The following CDH13 variants were observed in gnomAD, a reference collection of about 807,000 sequenced individuals.
CDH13 encodes the protein cadherin-13.
Under a neutral mutation model 63.8 loss-of-function variants are expected in CDH13, and 24 were observed. The observed-to-expected ratio is 0.38, with a 90% CI of 0.27 to 0.53. The LOEUF is 0.53. CDH13 is among the 20% of genes least tolerant of loss of function. The pLI is 0.85. For missense variants in CDH13, 1,049 were observed against 903.1 expected (o/e 1.16, Z -2.07); for synonymous variants, 503 against 355.3 (o/e 1.42, Z -4.67).
At chr16:82,977,963 C>T (rs570297166) in intron 2 of CDH13, among the ~76,000 whole-genome samples, 1 of 152,218 alleles carries the variant, frequency 6.6e-6, no homozygotes, top group South Asian at 2.1e-4. Context: ...CAATGAAGTC[C>T]AAGTTGGGGT....
intron 2 of CDH13, among the ~76,000 whole-genome samples, chr16:82,864,277 AGAGT>A (rs879926002): frequency 9.2e-5 from 14 of 152,208 alleles, no homozygotes; most frequent in Admixed American, 9.2e-4. Context: ...TTGACAAAAG[AGAGT>A]GAGTGTTTCT....
chr16:82,918,483 G>A (rs1396266583), intron 2 of CDH13, among the ~76,000 whole-genome samples: 1 of 150,720 alleles, frequency 6.6e-6, no homozygotes, highest in African/African-American at 2.4e-5. Flanking sequence ...GTCTCTCTGG[G>A]TCAAAAGGTA....
chr16:82,955,207 T>G (rs1290075356), intron 2 of CDH13, among the ~76,000 whole-genome samples: 2 of 152,214 alleles, frequency 1.3e-5, no homozygotes, highest in African/African-American at 4.8e-5. Flanking sequence ...TTCCAAGCAG[T>G]CTTAGAGTTT....
At chr16:83,469,384 C>T (rs1410888497) in intron 6 of CDH13, among the ~76,000 whole-genome samples, 1 of 152,106 alleles carries the variant, frequency 6.6e-6, no homozygotes, top group East Asian at 1.9e-4. Flanking sequence ...TCAGAGGCTT[C>T]AGTGCTAAGT....
chr16:83,469,181 G>C (rs953450074), intron 6 of CDH13, among the ~76,000 whole-genome samples: 1 of 152,162 alleles, frequency 6.6e-6, no homozygotes, highest in Non-Finnish European at 1.5e-5. Flanking sequence ...GCTGCTAAGG[G>C]CTTTTCAACT....
intron 5 of CDH13, among the ~76,000 whole-genome samples, chr16:83,251,401 G>A (rs946389860): frequency 1.3e-5 from 2 of 152,124 alleles, no homozygotes; most frequent in Non-Finnish European, 2.9e-5. Flanking sequence ...TAAAGAGAAG[G>A]CACCTGAGGC....
At chr16:83,624,557 G>A (rs914045220) in intron 8 of CDH13, among the ~76,000 whole-genome samples, 7 of 152,130 alleles carry the variant, frequency 4.6e-5, no homozygotes, top group Non-Finnish European at 1.0e-4. Flanking sequence ...CCGTTCCTAT[G>A]AGAATCTAAT....
At chr16:83,765,946 C>T (rs911804708) in intron 11 of CDH13, among the ~76,000 whole-genome samples, 14 of 152,130 alleles carry the variant, frequency 9.2e-5, no homozygotes, top group African/African-American at 3.4e-4. Context: ...GAAGGTTCAA[C>T]AGATGCACAG....
chr16:83,427,042 T>G (rs1052238642), intron 6 of CDH13, among the ~76,000 whole-genome samples: 3 of 147,836 alleles, frequency 2.0e-5, no homozygotes, highest in African/African-American at 7.5e-5. Flanking sequence ...TTCTCCTGCC[T>G]TAGCCTCCCA....
chr16:83,226,128 C>T (rs1361883233), intron 5 of CDH13, among the ~76,000 whole-genome samples: 1 of 152,188 alleles, frequency 6.6e-6, no homozygotes, highest in Non-Finnish European at 1.5e-5. Flanking sequence ...CCCCTCCCTA[C>T]CCCTGCACCT....
intron 4 of CDH13, among the ~76,000 whole-genome samples, chr16:83,212,101 C>A (rs2039355200): frequency 6.6e-6 from 1 of 152,248 alleles, no homozygotes; most frequent in East Asian, 1.9e-4. Context: ...TGACATTAAA[C>A]AACAACAAAG....
intron 2 of CDH13, among the ~76,000 whole-genome samples, chr16:82,904,118 G>A (rs1179887163): frequency 3.3e-5 from 5 of 152,010 alleles, no homozygotes; most frequent in Non-Finnish European, 5.9e-5. Context: ...TAAGCAATTA[G>A]AGTGAGATTT....
intron 4 of CDH13, among the ~76,000 whole-genome samples, chr16:83,142,488 A>G (rs937644637): frequency 6.6e-6 from 1 of 151,700 alleles, no homozygotes; most frequent in African/African-American, 2.4e-5. Context: ...GCTGCCTCCT[A>G]CTCATCCCTT....
intron 3 of CDH13, among the ~76,000 whole-genome samples, chr16:83,081,117 G>A (rs141425360): frequency 6.6e-6 from 1 of 151,988 alleles, no homozygotes; most frequent in East Asian, 1.9e-4. Flanking sequence ...CCGACGTCAG[G>A]TGATCTGCCC....
intron 8 of CDH13, among the ~76,000 whole-genome samples, chr16:83,645,489 C>G (rs775772910): frequency 2.6e-5 from 4 of 152,070 alleles, no homozygotes; most frequent in Non-Finnish European, 5.9e-5. Flanking sequence ...GCTAGAAGCC[C>G]AATCTTCACC....
chr16:83,128,113 T>C (rs943179269), intron 4 of CDH13, among the ~76,000 whole-genome samples: 7 of 152,224 alleles, frequency 4.6e-5, no homozygotes, highest in African/African-American at 1.7e-4. Flanking sequence ...GCTCTCACCA[T>C]GCATCAGAAT....
intron 5 of CDH13, among the ~76,000 whole-genome samples, chr16:83,323,300 A>T (rs1597745630): frequency 2.8e-5 from 3 of 108,788 alleles, no homozygotes; most frequent in Non-Finnish European, 1.9e-5. Context: ...TTTAAGAGGG[A>T]GTTTCGCTTT....
At chr16:83,790,116 T>G (rs145722351) in intron 13 of CDH13, 1 of 152,360 alleles carries the variant, frequency 6.6e-6, no homozygotes, top group East Asian at 1.9e-4. Flanking sequence ...GTCTGGCAGT[T>G]GTCCCATTTT....
At chr16:83,766,140 T>G (rs1299742902) in intron 11 of CDH13, among the ~76,000 whole-genome samples, 1 of 152,200 alleles carries the variant, frequency 6.6e-6, no homozygotes, top group Non-Finnish European at 1.5e-5. Context: ...ATGTCCCTGG[T>G]ATGGGCACCC....
Sources: allele counts gnomAD v4.1 joint callset (sites outside exome capture counted in the v4.1 genomes callset), GRCh38; gene constraint gnomAD v4.1.1; transcripts MANE v1.5; gene names NCBI Gene and HGNC (gene_info 2026-07-23, HGNC 2026-07-21).